The following LINGO2 variants were observed in gnomAD, a reference collection of about 807,000 sequenced individuals.
The protein encoded by LINGO2 is leucine-rich repeat and immunoglobulin-like domain-containing nogo receptor-interacting protein 2.
In LINGO2, 14 loss-of-function variants were observed where a neutral mutation model predicts 30.6. The observed-to-expected ratio is 0.46, with a 90% confidence interval of 0.30 to 0.72. The LOEUF (loss-of-function observed/expected upper bound fraction) is 0.72. LINGO2 is among the 30% of genes least tolerant of loss of function. LINGO2 has a pLI of 0.07. For synonymous variants in LINGO2, 317 were observed against 288.5 expected, an observed-to-expected ratio of 1.10 and a Z score of -1.00; for missense variants, 729 against 751.7, an observed-to-expected ratio of 0.97 and a Z score of 0.35.
the LINGO2 span, among the ~76,000 whole-genome samples, chr9:29,204,891 G>A: frequency 4.6e-5 from 7 of 152,116 alleles, no homozygotes; most frequent in African/African-American, 1.7e-4. Flanking sequence ...TAGAGAAAAA[G>A]CACTTAGTGT....
chr9:28,994,147 G>T, the LINGO2 span, among the ~76,000 whole-genome samples: 1 of 152,060 alleles, frequency 6.6e-6, no homozygotes, highest in African/African-American at 2.4e-5. Flanking sequence ...ATCTCCTTAA[G>T]CTGATAAGCA....
the LINGO2 span, among the ~76,000 whole-genome samples, chr9:28,824,843 G>C: frequency 6.6e-6 from 1 of 152,262 alleles, no homozygotes; most frequent in South Asian, 2.1e-4. Context: ...AAAGTCACAA[G>C]ACTGGTGTTA....
At chr9:28,895,531 C>T in the LINGO2 span, among the ~76,000 whole-genome samples, 5 of 152,138 alleles carry the variant, frequency 3.3e-5, no homozygotes, top group Admixed American at 6.6e-5. Flanking sequence ...CAAAAAATTA[C>T]GTAATCTTCC....
chr9:28,479,465 C>G (rs967118591), intron 1 of LINGO2, among the ~76,000 whole-genome samples: 3 of 151,902 alleles, frequency 2.0e-5, no homozygotes, highest in African/African-American at 7.2e-5. Context: ...TTACAGAATA[C>G]TGATTACAGT....
intron 4 of LINGO2, among the ~76,000 whole-genome samples, chr9:28,143,699 T>TATAA (rs144416948): frequency 0.043 from 6,520 of 152,102 alleles, 436 homozygotes; most frequent in African/African-American, 0.15. Flanking sequence ...AACAAACATG[T>TATAA]ATAAATAGAA....
At chr9:28,676,467 A>T in the LINGO2 span, among the ~76,000 whole-genome samples, 1 of 152,176 alleles carries the variant, frequency 6.6e-6, no homozygotes, top group East Asian at 1.9e-4. Flanking sequence ...CCATACCACA[A>T]GAGAATCTTA....
the LINGO2 span, among the ~76,000 whole-genome samples, chr9:29,015,176 T>C: frequency 1.2e-3 from 176 of 152,202 alleles, 2 homozygotes; most frequent in African/African-American, 3.3e-3. Context: ...CGAGGGTAGA[T>C]GATAAATTAC....
At chr9:28,906,684 G>T in the LINGO2 span, among the ~76,000 whole-genome samples, 4 of 151,762 alleles carry the variant, frequency 2.6e-5, no homozygotes, top group Admixed American at 2.6e-4. Flanking sequence ...ATGAAATCCT[G>T]CTCCATTCCG....
chr9:28,375,857 G>A (rs986183656), intron 2 of LINGO2, among the ~76,000 whole-genome samples: 4 of 152,244 alleles, frequency 2.6e-5, no homozygotes, highest in East Asian at 1.9e-4. Flanking sequence ...AGGAGACACT[G>A]CCTCTGAGAG....
chr9:28,080,113 C>T lies in LINGO2; in HGVS notation c.-86-67708G>A, dbSNP rs137884343. On this transcript the variant is annotated intron_variant, in intron 4 of 5. Coordinates refer to ENST00000379992, the Ensembl canonical transcript of LINGO2. ...CCAACATCTCTCATTATTTCCAAGG[C>T]TTTCTATCTGATTCTCTGATTTCAC... Among the ~76,000 whole-genome samples the T allele has an allele frequency of 1.7e-4, 26 of 152,320 alleles. No homozygotes were observed. The East Asian group carries it at 5.0e-3, about 29-fold the overall frequency.
At chr9:28,711,153 T>C in the LINGO2 span, among the ~76,000 whole-genome samples, 1 of 152,154 alleles carries the variant, frequency 6.6e-6, no homozygotes, top group African/African-American at 2.4e-5. Context: ...GTGCTTAATG[T>C]ATTTATTAAG....
intron 5 of LINGO2, among the ~76,000 whole-genome samples, chr9:27,988,392 A>T (rs1218521889): frequency 6.6e-6 from 1 of 151,990 alleles, no homozygotes; most frequent in Non-Finnish European, 1.5e-5. Context: ...GTCCAATGGT[A>T]TTTCTAGTTC....
intron 2 of LINGO2, among the ~76,000 whole-genome samples, chr9:28,437,168 C>T (rs952066187): frequency 1.3e-5 from 2 of 152,192 alleles, no homozygotes; most frequent in Admixed American, 1.3e-4. Flanking sequence ...ATGTAGTGGT[C>T]ACGATCCTGG....
chr9:28,621,909 G>A (rs978440920), intron 1 of LINGO2, among the ~76,000 whole-genome samples: 2 of 152,008 alleles, frequency 1.3e-5, no homozygotes, highest in African/African-American at 4.8e-5. Context: ...ACCTGACACT[G>A]AGACACAAAA....
At chr9:28,302,557 G>T (rs1824188370) in intron 3 of LINGO2, among the ~76,000 whole-genome samples, 1 of 152,214 alleles carries the variant, frequency 6.6e-6, no homozygotes, top group African/African-American at 2.4e-5. Context: ...TGTTGTCCCA[G>T]CTACTCAGGA....
chr9:28,263,449 G>A (rs564978020), intron 4 of LINGO2, among the ~76,000 whole-genome samples: 7 of 152,052 alleles, frequency 4.6e-5, no homozygotes, highest in Non-Finnish European at 1.0e-4. Flanking sequence ...TATGCAGGAC[G>A]TGTACATGAG....
chr9:28,494,964 G>A (rs1819544456), intron 1 of LINGO2, among the ~76,000 whole-genome samples: 1 of 152,164 alleles, frequency 6.6e-6, no homozygotes, highest in Admixed American at 6.5e-5. Context: ...TTCTCTGATG[G>A]CCAGTGATGA....
the LINGO2 span, among the ~76,000 whole-genome samples, chr9:28,867,846 GA>G: frequency 1.3e-4 from 20 of 152,082 alleles, no homozygotes; most frequent in South Asian, 6.2e-4. Flanking sequence ...AATATATAGA[GA>G]AAAGAAAATT....
chr9:28,877,652 T>C, the LINGO2 span, among the ~76,000 whole-genome samples: 6 of 152,318 alleles, frequency 3.9e-5, no homozygotes, highest in East Asian at 1.2e-3. Flanking sequence ...TTGGTGACTG[T>C]AGCCTTGTAG....
Sources: allele counts gnomAD v4.1 joint callset (sites outside exome capture counted in the v4.1 genomes callset), GRCh38; gene constraint gnomAD v4.1.1; transcripts MANE v1.5; gene names NCBI Gene and HGNC (gene_info 2026-07-23, HGNC 2026-07-21).